The following ZAN variants were observed in gnomAD, a reference collection of about 807,000 sequenced individuals.
ZAN encodes the protein zonadhesin (gene/pseudogene).
Under a neutral mutation model 286.2 loss-of-function variants are expected in ZAN, and 260 were observed. The ratio of observed to expected loss-of-function variants is 0.91; its 90% CI spans 0.82 to 1.01. ZAN has a LOEUF of 1.01. Among genes scored for constraint, ZAN ranks in the 50% least tolerant of loss-of-function variants. The pLI is 0.00. For missense variants in ZAN, 3,410 were observed against 3,639.2 expected, an observed-to-expected ratio of 0.94 and a Z score of 1.62; for synonymous variants, 1,368 against 1,417.5, an observed-to-expected ratio of 0.97 and a Z score of 0.79.
At chr7:100,764,502 A>G (rs937215859) in intron 22 of ZAN, among the ~76,000 whole-genome samples, 1 of 147,732 alleles carries the variant, frequency 6.8e-6, no homozygotes, top group African/African-American at 2.5e-5. Context: ...CTCAAAAAAT[A>G]AAATAAAATA....
intron 26 of ZAN, 79 bp from the exon 27 acceptor site, chr7:100,768,531 G>A: frequency 1.7e-6 from 2 of 1,171,380 alleles, no homozygotes; most frequent in Non-Finnish European, 2.4e-6. Context: ...AAAAGTGAGG[G>A]TGCCAGGAGG....
At chr7:100,759,972 G>C in intron 18 of ZAN, 127 bp downstream of exon 18, 7 of 1,400,168 alleles carry the variant, frequency 5.0e-6, no homozygotes, top group Non-Finnish European at 6.6e-6. Context: ...CCAGCTCCTT[G>C]GGAGGCTAAA....
In ZAN at chr7:100,763,410, C is replaced by T. The variant is rs1036668509; in HGVS notation, c.3987-396C>T. Among the ~76,000 whole-genome samples the T allele has an allele frequency of 7.2e-5, 11 of 152,102 alleles. No homozygotes were observed. The highest frequency in any genetic ancestry group is 2.7e-4 in the African/African-American group (11 of 41,402). On this transcript the variant is annotated intron_variant, in intron 20 of 47. Coordinates refer to ENST00000613979, the MANE Select transcript of ZAN (RefSeq NM_003386.3). The surrounding 1 kb of genome is among the most constrained non-coding windows in gnomAD (Gnocchi z 4.6). ...TTTTAGAGACAGGGCCTTGCTCTGT[C>T]GCCCAGGCTGGAGTGCAGTGGTTCA... is the stretch of plus-strand genomic sequence containing the variant.
chr7:100,768,829 C>A, intron 27 of ZAN, 108 bp downstream of exon 27: 1 of 863,150 alleles, frequency 1.2e-6, no homozygotes, highest in Non-Finnish European at 1.7e-6. Context: ...CTGTGCTGTA[C>A]CTCCCAACTG....
At chr7:100,783,783 T>TATATATATATACAC (rs377402352) in intron 35 of ZAN, among the ~76,000 whole-genome samples, 5 of 20,486 alleles carry the variant, frequency 2.4e-4, no homozygotes, top group South Asian at 3.8e-3. Context: ...TATATATATA[T>TATATATATATACAC]ACACATATAT....
At chr7:100,778,768 C>G (rs929151234) in intron 34 of ZAN, among the ~76,000 whole-genome samples, 1 of 151,970 alleles carries the variant, frequency 6.6e-6, no homozygotes, top group Non-Finnish European at 1.5e-5. Flanking sequence ...CGTGGTGGCT[C>G]AGGCCTGATA....
rs1809643855 is a variant in ZAN, at chr7:100,762,283, A to T, written c.3911A>T (p.Lys1304Met). The part of the protein sequence containing the change: ...YDGNSDNDHL[K>M]LDGSPAGDKE... ...GGCAACAGTGACAATGACCACCTGA[A>T]GTTGGACGGCAGCCCAGCAGGAGAC... The change falls in exon 20 of 48, where the codon AAG (lysine) becomes ATG (methionine). Residue 1304 changes from lysine (K) to methionine (M), a missense_variant. Physicochemically the swap from Lys to Met is moderately conservative, Grantham distance 95. Transcript: ENST00000613979. The T allele has an allele frequency of 6.2e-7, 1 of 1,613,752 alleles. No homozygotes were observed. Among genetic ancestry groups the T allele is most frequent in the South Asian group, 1.1e-5 (1 of 91,078 alleles).
intron 46 of ZAN, 43 bp from the exon 47 acceptor site, chr7:100,797,534 A>C (rs756110711): frequency 1.2e-6 from 2 of 1,613,626 alleles, no homozygotes; most frequent in East Asian, 4.5e-5. Flanking sequence ...GGGCCCGTAA[A>C]GGGCCACTTG....
intron 23 of ZAN, among the ~76,000 whole-genome samples, 156 bp downstream of exon 23, chr7:100,765,710 ACG>A: frequency 6.6e-6 from 1 of 152,202 alleles, no homozygotes; most frequent in Non-Finnish European, 1.5e-5. Flanking sequence ...GTGCAGTGGC[ACG>A]ATCTCGGCTC....
At position 100,758,595 on chromosome 7, in the gene ZAN, T is replaced by C. The variant is rs1276991301; in HGVS notation, c.3516T>C (p.Phe1172=). 4.5e-6 allele frequency: 7 copies of C among 1,565,790 alleles called. No homozygotes were observed. The highest frequency in any genetic ancestry group is 6.1e-6 in the Non-Finnish European group (7 of 1,155,066). The change falls in exon 17 of 48, where the codon TTT becomes TTC. Residue 1172 remains phenylalanine (F), a synonymous_variant. Transcript: ENST00000613979. ...ATGTCACCTTTGACGGGAGGCACTT[T>C]GGCTTCATGGGCAAGTGCACTTACA... ...PHYVTFDGRH[F]GFMGKCTYIL...
intron 34 of ZAN, among the ~76,000 whole-genome samples, chr7:100,776,832 A>C: frequency 7.5e-6 from 1 of 133,498 alleles, no homozygotes. Flanking sequence ...TCCCGGGTTC[A>C]CGCCATTCTC....
rs540280547 is a variant in ZAN at position 100,762,312 on chromosome 7, G to T, written c.3940G>T (p.Glu1314Ter). 6.2e-6 allele frequency: 10 copies of T among 1,613,648 alleles called. No individual in the cohort carries two copies. The East Asian group carries it at 1.3e-4, about 22-fold the overall frequency. ...GGACGGCAGCCCAGCAGGAGACAAG[G>T]AGGAGCTGGGGAACAGCTGGCAGAC... ...KLDGSPAGDK[E>*]ELGNSWQTDQ... The change falls in exon 20 of 48, where the codon GAG (glutamate) becomes TAG (stop). Residue 1314 changes from glutamate to a stop codon, truncating the protein, a stop_gained. Coordinates refer to ENST00000613979, the MANE Select transcript of ZAN (RefSeq NM_003386.3). LOFTEE classifies it high-confidence loss of function.
chr7:100,767,416 C>T (rs1192674547), intron 25 of ZAN, among the ~76,000 whole-genome samples, 159 bp downstream of exon 25: 1 of 151,334 alleles, frequency 6.6e-6, no homozygotes, highest in African/African-American at 2.4e-5. Context: ...TCCCTCCTCC[C>T]TCTGTGAAAT....
At chr7:100,779,418 C>T in intron 34 of ZAN, 28 bp from the exon 35 acceptor site, 2 of 1,585,996 alleles carry the variant, frequency 1.3e-6, no homozygotes, top group South Asian at 1.1e-5. Context: ...GGACGGCTGT[C>T]CCTAGGCTGA....
rs904360400 is a variant in ZAN at position 100,766,871 on chromosome 7, A to G, written c.4613-139A>G. ...TAGGCAGCTCCAAGCCAAGCCAACC[A>G]CACTTCCTAGGGAAACACCACATCT... is the stretch of plus-strand genomic sequence containing the variant. On this transcript the variant is annotated intron_variant, in intron 24 of 47. Transcript: ENST00000613979. The G allele has an allele frequency of 9.4e-6, 14 of 1,497,014 alleles. No individual in the cohort carries two copies. In the African/African-American group the frequency reaches 1.4e-4, roughly 15 times the overall value. The allele number at this position is 1,497,014 out of a possible 1,614,324, so 92.7% of individuals were successfully genotyped here. A position where few individuals can be genotyped will look rare whatever the true frequency, so the allele number is the denominator to read the frequency against.
rs376740183 is a variant in ZAN at position 100,755,314 on chromosome 7, G to T, written c.3213G>T (p.Arg1071=). 18 of 1,613,768 alleles carry T rather than the reference G, an allele frequency of 1.1e-5. No individual in the cohort carries two copies. The highest frequency in any genetic ancestry group is 1.4e-5 in the Non-Finnish European group (16 of 1,179,876). The change falls in exon 15 of 48, where the codon CGG becomes CGT. Residue 1071 remains arginine (R), a synonymous_variant. Coordinates refer to ENST00000613979, the MANE Select transcript of ZAN (RefSeq NM_003386.3). ...GGCCTAGCTGTGGGCCCCTCTGTCG[G>T]GAGGGCTGTGTCTGCAACCCTGGCT... The part of the protein sequence containing the change: ...SPRPSCGPLC[R]EGCVCNPGFL...
intron 16 of ZAN, 26 bp downstream of exon 16, chr7:100,758,369 C>T: frequency 3.7e-6 from 6 of 1,606,420 alleles, no homozygotes; most frequent in South Asian, 3.3e-5. Flanking sequence ...CATGCTGTCC[C>T]TGCCTGCCAG....
intron 6 of ZAN, among the ~76,000 whole-genome samples, chr7:100,737,567 G>T (rs989601132): frequency 7.1e-6 from 1 of 140,258 alleles, no homozygotes; most frequent in Admixed American, 7.1e-5. Flanking sequence ...TTAGCCGGGC[G>T]CGGTGGCGGG....
At chr7:100,784,299 GT>G (rs1406250433) in intron 35 of ZAN, among the ~76,000 whole-genome samples, 1 of 151,466 alleles carries the variant, frequency 6.6e-6, no homozygotes, top group Non-Finnish European at 1.5e-5. Flanking sequence ...TTGGCTAATT[GT>G]TGTATTTTTA....
Sources: gnomAD v4.1 joint callset for allele counts (sites outside exome capture counted in the v4.1 genomes callset) on GRCh38, gnomAD v4.1.1 for gene constraint, Gnocchi (gnomAD v3.1) non-coding constraint, MANE v1.5 for transcripts, NCBI Gene and HGNC (gene_info 2026-07-23, HGNC 2026-07-21) for gene names.